Variants in SGCZ observed in about 807,000 individuals in gnomAD.
SGCZ encodes sarcoglycan zeta.
Under a neutral mutation model 41.3 loss-of-function variants are expected in SGCZ, and 40 were observed. The ratio of observed to expected loss-of-function variants is 0.97; its 90% CI spans 0.75 to 1.26. The LOEUF is 1.26. Among genes scored for constraint, SGCZ ranks in the 50% most tolerant of loss-of-function variants. SGCZ has a pLI of 0.00. For missense variants in SGCZ, 552 were observed against 369.8 expected, an observed-to-expected ratio of 1.49 and a Z score of -4.04; for synonymous variants, 206 against 137.5, an observed-to-expected ratio of 1.50 and a Z score of -3.49.
intron 1 of SGCZ, among the ~76,000 whole-genome samples, chr8:14,848,324 T>C (rs1286515504): frequency 6.6e-6 from 1 of 152,208 alleles, no homozygotes; most frequent in South Asian, 2.1e-4. Context: ...CAATCAGTCA[T>C]TTGACTTTTC....
chr8:14,401,047 C>T (rs1277713701), intron 2 of SGCZ, among the ~76,000 whole-genome samples: 1 of 152,102 alleles, frequency 6.6e-6, no homozygotes, highest in Non-Finnish European at 1.5e-5. Context: ...CAGTTTCACC[C>T]TGTACGCTGA....
chr8:14,501,537 G>C (rs564193649), intron 2 of SGCZ, among the ~76,000 whole-genome samples: 1 of 151,066 alleles, frequency 6.6e-6, no homozygotes, highest in African/African-American at 2.4e-5. Flanking sequence ...TCATACAAGA[G>C]ATCTATATCG....
At chr8:14,399,136 G>A (rs1388973793) in intron 2 of SGCZ, among the ~76,000 whole-genome samples, 1 of 152,086 alleles carries the variant, frequency 6.6e-6, no homozygotes, top group African/African-American at 2.4e-5. Context: ...TGTTTTTGCT[G>A]AGCAGAAAGG....
chr8:15,017,449 T>C (rs1230016695), intron 1 of SGCZ, among the ~76,000 whole-genome samples: 3 of 152,174 alleles, frequency 2.0e-5, no homozygotes, highest in African/African-American at 7.2e-5. Context: ...AGACCTATTT[T>C]TCTAGTTGTT....
At chr8:15,027,615 C>T (rs529750554) in intron 1 of SGCZ, among the ~76,000 whole-genome samples, 23 of 151,948 alleles carry the variant, frequency 1.5e-4, no homozygotes, top group African/African-American at 5.1e-4. Context: ...AGTGGATTTC[C>T]GTTAATCTGA....
Position 14,851,444 on chromosome 8 carries a change from C to T in SGCZ, c.40-296518G>A, listed in dbSNP as rs531431259. Among the ~76,000 whole-genome samples the T allele has an allele frequency of 1.6e-3, 238 of 148,634 alleles. 1 individual carries two copies. The highest frequency in any genetic ancestry group is 5.6e-3 in the African/African-American group (226 of 40,488). On this transcript the variant is annotated intron_variant, in intron 1 of 7. Transcript: ENST00000382080. ...AAGGTAGTGATATGATCACATCTAT[C>T]TGGAAAAGAAATTAATACACTGATA...
intron 1 of SGCZ, among the ~76,000 whole-genome samples, chr8:14,856,407 T>C (rs569460475): frequency 3.9e-5 from 6 of 152,262 alleles, no homozygotes; most frequent in Admixed American, 1.3e-4. Context: ...TGTACTTAGA[T>C]GATAAACACA....
intron 1 of SGCZ, among the ~76,000 whole-genome samples, chr8:14,960,119 G>T (rs970707382): frequency 2.0e-5 from 3 of 152,084 alleles, no homozygotes; most frequent in South Asian, 4.2e-4. Flanking sequence ...ATAATAAAAA[G>T]AATTTCCATA....
At chr8:14,752,344 A>G (rs1307919673) in intron 1 of SGCZ, among the ~76,000 whole-genome samples, 1 of 152,202 alleles carries the variant, frequency 6.6e-6, no homozygotes, top group East Asian at 1.9e-4. Flanking sequence ...ATATCTCTTA[A>G]GCTGCTTGAT....
intron 2 of SGCZ, among the ~76,000 whole-genome samples, chr8:14,423,944 T>C (rs1799706159): frequency 6.6e-6 from 1 of 152,068 alleles, no homozygotes; most frequent in Non-Finnish European, 1.5e-5. Flanking sequence ...CATTAAAGTA[T>C]AATAAATGCA....
At chr8:14,388,282 T>C (rs982474556) in intron 2 of SGCZ, among the ~76,000 whole-genome samples, 6 of 152,148 alleles carry the variant, frequency 3.9e-5, no homozygotes, top group East Asian at 1.9e-4. Flanking sequence ...GTTGCAGCCA[T>C]GTGGAACAGG....
chr8:14,673,254 A>G (rs1381932049), intron 1 of SGCZ, among the ~76,000 whole-genome samples: 1 of 152,092 alleles, frequency 6.6e-6, no homozygotes, highest in East Asian at 1.9e-4. Flanking sequence ...CCCCACCCAA[A>G]TCTCATCTCA....
intron 2 of SGCZ, among the ~76,000 whole-genome samples, chr8:14,476,780 C>T (rs1801373839): frequency 6.6e-6 from 1 of 152,158 alleles, no homozygotes; most frequent in Non-Finnish European, 1.5e-5. Context: ...GCCATAAGAA[C>T]TAAAATCCAC....
chr8:15,197,825 C>A (rs944176691), intron 1 of SGCZ, among the ~76,000 whole-genome samples: 1 of 151,680 alleles, frequency 6.6e-6, no homozygotes, highest in African/African-American at 2.4e-5. Context: ...TCACCTTATC[C>A]TTTAGGTAGT....
At chr8:14,830,898 C>G (rs1279502497) in intron 1 of SGCZ, among the ~76,000 whole-genome samples, 1 of 152,102 alleles carries the variant, frequency 6.6e-6, no homozygotes, top group Admixed American at 6.6e-5. Context: ...AGGAAATTAT[C>G]AGAGCTTTCT....
intron 1 of SGCZ, among the ~76,000 whole-genome samples, chr8:15,148,205 A>C (rs942988687): frequency 6.6e-6 from 1 of 152,234 alleles, no homozygotes; most frequent in Admixed American, 6.5e-5. Flanking sequence ...ATGCCTTTTT[A>C]ATTAAGTGAA....
chr8:15,057,883 T>C (rs1049201746), intron 1 of SGCZ, among the ~76,000 whole-genome samples: 6 of 152,162 alleles, frequency 3.9e-5, no homozygotes, highest in Non-Finnish European at 4.4e-5. Flanking sequence ...CACTTGTGAG[T>C]TTTGTGAATC....
At chr8:14,907,727 CCT>C (rs1262647023) in intron 1 of SGCZ, among the ~76,000 whole-genome samples, 1 of 151,908 alleles carries the variant, frequency 6.6e-6, no homozygotes, top group South Asian at 2.1e-4. Context: ...GGTTGTCTTC[CCT>C]CTCTCTCTAC....
intron 2 of SGCZ, among the ~76,000 whole-genome samples, chr8:14,333,555 A>G (rs1802408749): frequency 6.6e-6 from 1 of 152,148 alleles, no homozygotes; most frequent in Admixed American, 6.5e-5. Flanking sequence ...TAAATTTAGA[A>G]AACCATTGCA....
Sources: allele counts gnomAD v4.1 joint callset (sites outside exome capture counted in the v4.1 genomes callset), GRCh38; gene constraint gnomAD v4.1.1; transcripts MANE v1.5; gene names NCBI Gene and HGNC (gene_info 2026-07-23, HGNC 2026-07-21).